The following LRP6 variants were observed in gnomAD, a reference collection of about 807,000 sequenced individuals.
LRP6 encodes LDL receptor related protein 6.
In LRP6, 43 loss-of-function variants were observed where a neutral mutation model predicts 184.1. The ratio of observed to expected loss-of-function variants is 0.23; its 90% CI spans 0.18 to 0.30. LRP6 has a LOEUF of 0.30. Among genes scored for constraint, LRP6 ranks in the 10% least tolerant of loss-of-function variants. The probability of loss-of-function intolerance (pLI) is 1.00; values close to 1 mark genes in which losing one functional copy is unlikely to be tolerated. For synonymous variants in LRP6, 719 were observed against 684.9 expected, an observed-to-expected ratio of 1.05 and a Z score of -0.78; for missense variants, 1,571 against 2,005.3, an observed-to-expected ratio of 0.78 and a Z score of 4.14.
intron 3 of LRP6, among the ~76,000 whole-genome samples, chr12:12,199,191 C>A (rs1863849414): frequency 6.6e-6 from 1 of 151,682 alleles, no homozygotes; most frequent in African/African-American, 2.4e-5. Flanking sequence ...TGAATTGAAC[C>A]TTTGGCACTA....
intron 16 of LRP6, among the ~76,000 whole-genome samples, chr12:12,136,382 T>TA (rs1441174438): frequency 6.6e-6 from 1 of 152,158 alleles, no homozygotes; most frequent in African/African-American, 2.4e-5. Flanking sequence ...GAAAAAAACT[T>TA]AAAAGGCACA....
At chr12:12,175,404 A>T (rs561610748) in intron 7 of LRP6, among the ~76,000 whole-genome samples, 58 of 146,866 alleles carry the variant, frequency 3.9e-4, no homozygotes, top group Non-Finnish European at 8.1e-4. Flanking sequence ...ATAAAAATAA[A>T]AAAGGCCGGG....
Position 12,119,950 on chromosome 12 carries a change from A to G in LRP6, c.*1176T>C, listed in dbSNP as rs1488702435. The stretch of plus-strand genomic sequence containing the variant: ...TAAATAGATTGTCTCTAACCAGAAC[A>G]TATTTAAATGTTTTACTCAGAAAAC... On this transcript the variant is annotated 3_prime_UTR_variant, in exon 23 of 23. Transcript: ENST00000261349. The G allele has an allele frequency of 7.0e-6, 1 of 142,758 alleles. No homozygotes were observed. Among genetic ancestry groups the G allele is most frequent in the Non-Finnish European group, 1.5e-5 (1 of 65,728 alleles). The allele number at this position is 142,758 out of a possible 1,614,324, so 8.8% of individuals were successfully genotyped here. A position where few individuals can be genotyped will look rare whatever the true frequency, so the allele number is the denominator to read the frequency against.
In LRP6 at chr12:12,159,067, G is replaced by A. The variant is rs1862672249; in HGVS notation, c.2553C>T (p.Ser851=). The change falls in exon 12 of 23, where the codon AGC becomes AGT. Residue 851 remains serine (S), a synonymous_variant. Transcript: ENST00000261349. ...YQDYIYWTDW[S]RRSIERANKT... is the part of the protein sequence containing the mutation. ...TGTTGGCACGCTCAATGCTGCGTCG[G>A]CTCCAGTCCGTCCAGTAGATATAAT... The A allele has an allele frequency of 6.2e-7, 1 of 1,614,138 alleles. No homozygotes were observed. The highest frequency in any genetic ancestry group is 1.3e-5 in the African/African-American group (1 of 75,042).
chr12:12,232,370 T>G (rs1356516436), intron 2 of LRP6, among the ~76,000 whole-genome samples: 1 of 146,164 alleles, frequency 6.8e-6, no homozygotes, highest in African/African-American at 2.5e-5. Context: ...GGCGACAGAG[T>G]GAGACGCTGT....
intron 2 of LRP6, among the ~76,000 whole-genome samples, chr12:12,203,768 AAAAC>A (rs888176079): frequency 1.4e-4 from 21 of 152,284 alleles, no homozygotes; most frequent in Admixed American, 3.3e-4. Flanking sequence ...CTCTGTCTCA[AAAAC>A]AAACAAACAA....
chr12:12,259,433 T>C (rs1010358714), intron 1 of LRP6, among the ~76,000 whole-genome samples: 30 of 152,152 alleles, frequency 2.0e-4, no homozygotes, highest in African/African-American at 7.2e-4. Context: ...TTCCAAAATA[T>C]TTAAGCACTT....
chr12:12,133,461 G>T (rs1264860800), intron 17 of LRP6, among the ~76,000 whole-genome samples: 1 of 151,932 alleles, frequency 6.6e-6, no homozygotes, highest in African/African-American at 2.4e-5. Context: ...TTTGCCATGT[G>T]ACCTGCCTGC....
chr12:12,244,059 G>A (rs1368885144), intron 2 of LRP6, among the ~76,000 whole-genome samples: 1 of 152,178 alleles, frequency 6.6e-6, no homozygotes, highest in African/African-American at 2.4e-5. Context: ...ACTACAGCCT[G>A]AGTGACAAAG....
intron 15 of LRP6, among the ~76,000 whole-genome samples, chr12:12,140,599 A>T (rs1330099156): frequency 8.1e-6 from 1 of 123,374 alleles, no homozygotes; most frequent in African/African-American, 2.8e-5. Context: ...CATAGATTTT[A>T]AAAATCTTTT....
chr12:12,192,000 A>G (rs928088372), intron 3 of LRP6, among the ~76,000 whole-genome samples: 1 of 152,110 alleles, frequency 6.6e-6, no homozygotes, highest in Non-Finnish European at 1.5e-5. Flanking sequence ...GAAATAGTAA[A>G]TATGCAGGTT....
At chr12:12,179,411 G>GATATAGAT (rs1283137397) in intron 7 of LRP6, among the ~76,000 whole-genome samples, 8 of 86,282 alleles carry the variant, frequency 9.3e-5, no homozygotes, top group Non-Finnish European at 2.4e-4. Context: ...TATAGATATA[G>GATATAGAT]ATATAGATAT....
At chr12:12,176,319 C>T (rs1321290872) in intron 7 of LRP6, among the ~76,000 whole-genome samples, 2 of 152,148 alleles carry the variant, frequency 1.3e-5, no homozygotes, top group Non-Finnish European at 2.9e-5. Context: ...CTAGCAGGCA[C>T]CTTTTAAATT....
At position 12,201,651 on chromosome 12, in the gene LRP6, G is replaced by A. The variant is rs1484929210; in HGVS notation, c.647+1552C>T. ...ATAGTCAACTTTATCCATGTTTTTG[G>A]ATTTGCTATCTAGTTTCTGTAGGTT... is the stretch of plus-strand genomic sequence containing the variant. On this transcript the variant is annotated intron_variant, in intron 3 of 22. Transcript: ENST00000261349. 3.3e-5 allele frequency among the ~76,000 whole-genome samples: 5 copies of A among 151,862 alleles called. No homozygotes were observed. The East Asian group carries it at 9.6e-4, about 29-fold the overall frequency.
Position 12,203,184 on chromosome 12 carries a change from C to G in LRP6, c.647+19G>C. 6.4e-7 allele frequency: 1 copy of G among 1,565,602 alleles called. No homozygotes were observed. The highest frequency in any genetic ancestry group is 8.6e-7 in the Non-Finnish European group (1 of 1,157,474). ...CATCGAGTTTTCTTAAAAGTTTTTT[C>G]TAATTCTTGTAATCTTACCGATTTG... On this transcript the variant is annotated intron_variant, in intron 3 of 22. Coordinates refer to ENST00000261349, the MANE Select transcript of LRP6 (RefSeq NM_002336.3).
chr12:12,204,736 A>C (rs1401873773), intron 2 of LRP6, among the ~76,000 whole-genome samples: 1 of 151,026 alleles, frequency 6.6e-6, no homozygotes, highest in Non-Finnish European at 1.5e-5. Flanking sequence ...CAGGCGGATC[A>C]CCTGAGGTCA....
chr12:12,199,901 T>C (rs556162519), intron 3 of LRP6, among the ~76,000 whole-genome samples: 5 of 128,864 alleles, frequency 3.9e-5, no homozygotes, highest in Admixed American at 2.1e-4. Flanking sequence ...GAGGCAGAGG[T>C]TGCAGTGAGC....
Position 12,170,791 on chromosome 12 carries a change from T to TCACA in LRP6, c.1546-5500_1546-5497dup, listed in dbSNP as rs10571241. Among the ~76,000 whole-genome samples, 652 of 142,892 alleles carry TCACA rather than the reference T, an allele frequency of 4.6e-3. 6 individuals are homozygous for TCACA. Among genetic ancestry groups the TCACA allele is most frequent in the East Asian group, 0.024 (115 of 4,888 alleles). 93.7% of individuals were successfully genotyped at this position (142,892 alleles called of 152,430 possible). Reference sequence around the variant, plus strand: ...ATTCTAATATGAAGTTAAAATTACTTCACACACACACACACACACACACAC... The same window carrying TCACA: ...ATTCTAATATGAAGTTAAAATTACTTCACACACACACACACACACACACACACAC... On this transcript the variant is annotated intron_variant, in intron 7 of 22. Transcript: ENST00000261349.
At chr12:12,221,081 A>C (rs575324279) in intron 2 of LRP6, among the ~76,000 whole-genome samples, 11 of 152,342 alleles carry the variant, frequency 7.2e-5, no homozygotes, top group African/African-American at 2.6e-4. Context: ...CTTAAGAACC[A>C]ATGTCAATAT....
Sources: allele counts gnomAD v4.1 joint callset (sites outside exome capture counted in the v4.1 genomes callset), GRCh38; gene constraint gnomAD v4.1.1; transcripts MANE v1.5; gene names NCBI Gene and HGNC (gene_info 2026-07-23, HGNC 2026-07-21).